CHRM3: variants seen among roughly 807,000 people sequenced by gnomAD.
CHRM3 encodes the protein muscarinic acetylcholine receptor M3.
Under a neutral mutation model 41.8 loss-of-function variants are expected in CHRM3, and 11 were observed. The ratio of observed to expected loss-of-function variants is 0.26; its 90% CI spans 0.17 to 0.44. The LOEUF is 0.44. Ranked by LOEUF, CHRM3 falls within the 20% of genes least tolerant of loss-of-function variation. CHRM3 has a pLI of 1.00. For synonymous variants in CHRM3, 297 were observed against 301.4 expected, an observed-to-expected ratio of 0.99 and a Z score of 0.15; for missense variants, 571 against 745.4, an observed-to-expected ratio of 0.77 and a Z score of 2.72.
chr1:239,483,953 A>T (rs1667025795), intron 1 of CHRM3, among the ~76,000 whole-genome samples: 1 of 152,198 alleles, frequency 6.6e-6, no homozygotes, highest in African/African-American at 2.4e-5. Context: ...CAGGAAGGAA[A>T]ACAGTAATTT....
At chr1:239,683,171 A>G (rs1413389711) in intron 5 of CHRM3, among the ~76,000 whole-genome samples, 1 of 152,196 alleles carries the variant, frequency 6.6e-6, no homozygotes, top group African/African-American at 2.4e-5. Flanking sequence ...GTATTCTCCC[A>G]ACATCCTCAA....
chr1:239,662,838 TTCTTCTTCCTCTTCCTTCTCC>T (rs1293030552), intron 4 of CHRM3, among the ~76,000 whole-genome samples: 3 of 142,340 alleles, frequency 2.1e-5, no homozygotes, highest in Non-Finnish European at 4.7e-5. Context: ...CCTCCTCCTC[TTCTTCTTCCTCTTCCTTCTCC>T]TTCTCCTTTC....
At chr1:239,459,676 T>A (rs1665212170) in intron 1 of CHRM3, among the ~76,000 whole-genome samples, 1 of 152,170 alleles carries the variant, frequency 6.6e-6, no homozygotes, top group Admixed American at 6.6e-5. Flanking sequence ...GGATGGGTAG[T>A]TCTCTGAGGT....
intron 4 of CHRM3, among the ~76,000 whole-genome samples, chr1:239,668,048 T>C (rs1040878184): frequency 1.3e-5 from 2 of 151,782 alleles, no homozygotes; most frequent in Non-Finnish European, 2.9e-5. Context: ...TTTTATCACT[T>C]AAGGTCAAAT....
chr1:239,600,084 C>T (rs918364687), intron 3 of CHRM3, among the ~76,000 whole-genome samples: 1 of 152,172 alleles, frequency 6.6e-6, no homozygotes, highest in Non-Finnish European at 1.5e-5. Context: ...CCAAAAATCT[C>T]AGTCAACTGT....
At chr1:239,734,198 A>G (rs935136185) in intron 5 of CHRM3, among the ~76,000 whole-genome samples, 7 of 152,090 alleles carry the variant, frequency 4.6e-5, no homozygotes, top group African/African-American at 1.7e-4. Context: ...AAGGGAAATA[A>G]TTCTTCTTGG....
chr1:239,470,443 C>A (rs967461519), intron 1 of CHRM3, among the ~76,000 whole-genome samples: 1 of 151,848 alleles, frequency 6.6e-6, no homozygotes, highest in African/African-American at 2.4e-5. Flanking sequence ...AAAATTCACA[C>A]CCCCCCACTC....
Position 239,399,948 on chromosome 1 carries a change from T to G in CHRM3, c.-521+12721T>G, listed in dbSNP as rs528408571. On this transcript the variant is annotated intron_variant, in intron 1 of 6. Coordinates refer to ENST00000676153, the MANE Select transcript of CHRM3 (RefSeq NM_001375978.1). ...ACTTTTTTGAGACAGAGTCTCACTC[T>G]GTTGCCCAGGCTGGAGTGCAATGGC... Among the ~76,000 whole-genome samples, 10 of 152,314 alleles carry G rather than the reference T, an allele frequency of 6.6e-5. No individual in the cohort carries two copies. In the South Asian group the frequency reaches 2.1e-3, roughly 32 times the overall value.
chr1:239,893,808 G>T lies in CHRM3; in HGVS notation c.-19-13625G>T, dbSNP rs999417. Among the ~76,000 whole-genome samples, 1,072 of 151,056 alleles carry T rather than the reference G, an allele frequency of 7.1e-3. 4 individuals are homozygous for T. The highest frequency in any genetic ancestry group is 0.01 in the Middle Eastern group (3 of 288). On this transcript the variant is annotated intron_variant, in intron 6 of 6. Transcript: ENST00000676153. ...ATCGAAATCAAAATAAAATTGTAGG[G>T]TTTTTTTCTCATTTCCATAATTTCC...
At chr1:239,788,216 G>A (rs1454311494) in intron 5 of CHRM3, among the ~76,000 whole-genome samples, 1 of 151,794 alleles carries the variant, frequency 6.6e-6, no homozygotes, top group East Asian at 2.0e-4. Context: ...AGCCTGCCTG[G>A]TAGAGTGAGA....
intron 2 of CHRM3, among the ~76,000 whole-genome samples, chr1:239,540,775 A>G (rs1218083102): frequency 4.6e-5 from 7 of 152,260 alleles, no homozygotes; most frequent in Non-Finnish European, 8.8e-5. Context: ...ATTTCCTTAT[A>G]TCAGTATAAC....
intron 5 of CHRM3, among the ~76,000 whole-genome samples, chr1:239,755,154 G>A (rs1413164442): frequency 6.6e-6 from 1 of 152,042 alleles, no homozygotes; most frequent in Non-Finnish European, 1.5e-5. Context: ...CTATTACCCA[G>A]GTTAAAGATT....
chr1:239,395,950 A>C (rs972817060), intron 1 of CHRM3, among the ~76,000 whole-genome samples: 1 of 152,002 alleles, frequency 6.6e-6, no homozygotes, highest in Non-Finnish European at 1.5e-5. Flanking sequence ...ACCCTATTTC[A>C]TGGCTTGGGT....
At position 239,387,436 on chromosome 1, in the gene CHRM3, C is replaced by A. The variant is rs1303147712; in HGVS notation, c.-521+209C>A. Among the ~76,000 whole-genome samples, 2 of 152,152 alleles carry A rather than the reference C, an allele frequency of 1.3e-5. No homozygotes were observed. Among genetic ancestry groups the A allele is most frequent in the South Asian group, 2.1e-4 (1 of 4,798 alleles). The stretch of plus-strand genomic sequence containing the variant: ...GATGGGGGCACTTGAATTCCGACAG[C>A]GCGATCTGGTGCGGAGTTGGAGTTC... On this transcript the variant is annotated intron_variant, in intron 1 of 6. Coordinates refer to ENST00000676153, the MANE Select transcript of CHRM3 (RefSeq NM_001375978.1). The surrounding 1 kb of genome is among the most constrained non-coding windows in gnomAD (Gnocchi z 5.1).
In CHRM3 at chr1:239,588,647, C is replaced by T. The variant is rs577475608; in HGVS notation, c.-313+42898C>T. On this transcript the variant is annotated intron_variant, in intron 3 of 6. Coordinates refer to ENST00000676153, the MANE Select transcript of CHRM3 (RefSeq NM_001375978.1). ...TATTTTTAACTGTCTTATGCCCCAG[C>T]GTCCTGCTTTTGTCCTGTGACAAAA... Among the ~76,000 whole-genome samples, 13 of 152,250 alleles carry T rather than the reference C, an allele frequency of 8.5e-5. 1 individual carries two copies. The highest frequency in any genetic ancestry group is 7.9e-4 in the Admixed American group (12 of 15,286).
intron 5 of CHRM3, among the ~76,000 whole-genome samples, chr1:239,769,433 T>C (rs1478120929): frequency 6.6e-6 from 1 of 152,222 alleles, no homozygotes; most frequent in Non-Finnish European, 1.5e-5. Context: ...GTTCTTTCCT[T>C]TAAAATGTGA....
chr1:239,443,728 G>A (rs1428751773), intron 1 of CHRM3, among the ~76,000 whole-genome samples: 3 of 152,080 alleles, frequency 2.0e-5, no homozygotes, highest in African/African-American at 4.8e-5. Flanking sequence ...AAACGCTTAG[G>A]AGAAGAAAAT....
At chr1:239,458,075 A>G (rs1665086591) in intron 1 of CHRM3, among the ~76,000 whole-genome samples, 1 of 152,196 alleles carries the variant, frequency 6.6e-6, no homozygotes, top group South Asian at 2.1e-4. Context: ...AAGAAAAAAA[A>G]AAGTGTTATC....
chr1:239,665,615 C>T (rs1300716990), intron 4 of CHRM3, among the ~76,000 whole-genome samples: 4 of 152,074 alleles, frequency 2.6e-5, no homozygotes, highest in African/African-American at 9.7e-5. Flanking sequence ...TGGTTTGCTG[C>T]ACCCATCAAC....
Sources: allele counts gnomAD v4.1 joint callset (sites outside exome capture counted in the v4.1 genomes callset), GRCh38; gene constraint gnomAD v4.1.1; non-coding constraint Gnocchi (gnomAD v3.1); transcripts MANE v1.5; gene names NCBI Gene and HGNC (gene_info 2026-07-23, HGNC 2026-07-21).